Variants in WDR59 observed in about 807,000 individuals in gnomAD.
The protein encoded by WDR59 is WD repeat domain 59.
A neutral mutation model predicts 131.2 loss-of-function variants in WDR59; 100 were observed. That is an observed-to-expected ratio of 0.76 (90% CI 0.65 to 0.90). The LOEUF (loss-of-function observed/expected upper bound fraction) is 0.90, where lower values mean the gene tolerates loss of function less well. WDR59 is among the 40% of genes least tolerant of loss of function. The pLI is 0.00. For missense variants in WDR59, 1,203 were observed against 1,262.2 expected (o/e 0.95, Z 0.71); for synonymous variants, 601 against 466.2 (o/e 1.29, Z -3.72).
At chr16:74,874,565 A>G in intron 25 of WDR59, 121 bp from the exon 26 acceptor site, 2 of 755,032 alleles carry the variant, frequency 2.6e-6, no homozygotes, top group Non-Finnish European at 4.3e-6. Flanking sequence ...ATTCTCTTAG[A>G]CCAGTGGTTT....
At position 74,983,554 on chromosome 16, in the gene WDR59, G is replaced by T. The variant is rs115260361; in HGVS notation, c.54+1410C>A. Among the ~76,000 whole-genome samples, 1,316 of 152,214 alleles carry T rather than the reference G, an allele frequency of 8.6e-3. 21 individuals are homozygous for T. Among genetic ancestry groups the T allele is most frequent in the African/African-American group, 0.029 (1,193 of 41,530 alleles). On this transcript the variant is annotated intron_variant, in intron 1 of 25. Transcript: ENST00000262144. ...GTGCTGGGGAAGAGGGGATGTATAT[G>T]ACCGGTTCAGAGCTACCCACTATGA...
chr16:74,893,605 C>A lies in WDR59; in HGVS notation c.2000+74G>T, dbSNP rs560426848. On this transcript the variant is annotated intron_variant, in intron 19 of 25. Transcript: ENST00000262144. ...ACTGCTTTTGAAGAAAGGATTCCCA[C>A]ACTCAAAAAAAAAAAAAGTTTTGCT... The A allele has an allele frequency of 7.5e-6, 11 of 1,469,888 alleles. No homozygotes were observed. In the African/African-American group the frequency reaches 1.5e-4, roughly 20 times the overall value. The allele number at this position is 1,469,888 out of a possible 1,614,324, so 91.1% of individuals were successfully genotyped here.
At position 74,922,333 on chromosome 16, in the gene WDR59, C is replaced by T. The variant is rs139618108; in HGVS notation, c.730-230G>A. Among the ~76,000 whole-genome samples, 78 of 152,292 alleles carry T rather than the reference C, an allele frequency of 5.1e-4. 3 individuals carry two copies. In the East Asian group the frequency reaches 0.014, roughly 27 times the overall value. On this transcript the variant is annotated intron_variant, in intron 9 of 25. Coordinates refer to ENST00000262144, the MANE Select transcript of WDR59 (RefSeq NM_030581.4). ...GTGAAAACTCAGGCTGAGGCAAGCG[C>T]TTGAAGAACTTTGAAAATTCTAAAA...
chr16:74,923,812 CAGAGAA>C (rs2030499242), intron 9 of WDR59, 108 bp downstream of exon 9: 5 of 961,756 alleles, frequency 5.2e-6, no homozygotes, highest in Non-Finnish European at 7.8e-6. Flanking sequence ...ACTAAACCAA[CAGAGAA>C]AGAGAAAATC....
At chr16:74,970,623 TTA>T (rs990913593) in intron 1 of WDR59, among the ~76,000 whole-genome samples, 1 of 151,818 alleles carries the variant, frequency 6.6e-6, no homozygotes, top group African/African-American at 2.4e-5. Flanking sequence ...CTTGCTGTGT[TTA>T]GTTATTGCTA....
chr16:74,958,910 T>C (rs2033437333), intron 2 of WDR59, among the ~76,000 whole-genome samples: 1 of 151,496 alleles, frequency 6.6e-6, no homozygotes, highest in African/African-American at 2.4e-5. Flanking sequence ...AAAAAAAAAA[T>C]TAGCCAGGCA....
chr16:74,916,573 A>G (rs544550096), intron 11 of WDR59, among the ~76,000 whole-genome samples: 10 of 152,178 alleles, frequency 6.6e-5, no homozygotes, highest in Non-Finnish European at 1.3e-4. Flanking sequence ...AAAATATCAT[A>G]ACCGGCCAGG....
chr16:74,937,865 CCTT>C (rs1328212570), intron 8 of WDR59, among the ~76,000 whole-genome samples: 2 of 152,218 alleles, frequency 1.3e-5, no homozygotes, highest in Admixed American at 1.3e-4. Context: ...AAGACGAAAA[CCTT>C]CTGAACAAAT....
intron 10 of WDR59, among the ~76,000 whole-genome samples, chr16:74,919,760 G>A (rs561651075): frequency 2.0e-5 from 3 of 152,244 alleles, no homozygotes; most frequent in African/African-American, 7.2e-5. Context: ...GCTTCCCTCA[G>A]GAGGCATCCT....
intron 18 of WDR59, among the ~76,000 whole-genome samples, chr16:74,896,871 G>C (rs566117963): frequency 3.3e-5 from 5 of 152,242 alleles, no homozygotes. Context: ...CGACAGCTCT[G>C]TGATGAGGGA....
At position 74,923,901 on chromosome 16, in the gene WDR59, T is replaced by A. The variant is rs752898125; in HGVS notation, c.729+25A>T. 3 of 1,606,008 alleles carry A rather than the reference T, an allele frequency of 1.9e-6. No homozygotes were observed. The South Asian group carries it at 3.4e-5, about 18-fold the overall frequency. ...GGAACACCCAAAAAGAAGTTTCTTA[T>A]CAAGAGGCAGGGTGGCTCACTCACT... On this transcript the variant is annotated intron_variant, in intron 9 of 25. Coordinates refer to ENST00000262144, the MANE Select transcript of WDR59 (RefSeq NM_030581.4).
chr16:74,917,068 A>G (rs1404424254), intron 11 of WDR59, among the ~76,000 whole-genome samples: 1 of 152,154 alleles, frequency 6.6e-6, no homozygotes, highest in African/African-American at 2.4e-5. Flanking sequence ...GATCCAATAC[A>G]AGTGAGACAC....
intron 25 of WDR59, among the ~76,000 whole-genome samples, chr16:74,881,896 AG>A (rs1964506558): frequency 6.6e-6 from 1 of 151,152 alleles, no homozygotes; most frequent in African/African-American, 2.5e-5. Flanking sequence ...AAGAAAAAAA[AG>A]AAAAAAAAAA....
intron 1 of WDR59, among the ~76,000 whole-genome samples, chr16:74,984,284 A>ATAAAT (rs529698995): frequency 2.3e-3 from 344 of 152,304 alleles, no homozygotes; most frequent in African/African-American, 7.8e-3. Context: ...CTCAAAAAAA[A>ATAAAT]TAAATTAAAT....
At position 74,916,270 on chromosome 16, in the gene WDR59, G is replaced by C; in HGVS notation, c.967-11C>G. 3 of 1,613,638 alleles carry C rather than the reference G, an allele frequency of 1.9e-6. No homozygotes were observed. Among genetic ancestry groups the C allele is most frequent in the Non-Finnish European group, 2.5e-6 (3 of 1,179,892 alleles). On this transcript the variant is annotated splice_polypyrimidine_tract_variant and intron_variant, in intron 11 of 25. Coordinates refer to ENST00000262144, the MANE Select transcript of WDR59 (RefSeq NM_030581.4). ...GTCATTTGCACAAAGCTGCAACAAA[G>C]GGTAGAAGATGTAGTTCTAGAGAAG...
intron 7 of WDR59, among the ~76,000 whole-genome samples, chr16:74,942,193 C>T (rs2032285766): frequency 2.0e-5 from 3 of 152,088 alleles, no homozygotes; most frequent in South Asian, 2.1e-4. Context: ...GCAGTAAGAA[C>T]GTATGAGTGA....
chr16:74,897,841 T>C (rs995743767), intron 18 of WDR59, among the ~76,000 whole-genome samples: 1 of 152,232 alleles, frequency 6.6e-6, no homozygotes, highest in Non-Finnish European at 1.5e-5. Context: ...TAGTGGTTTT[T>C]AAACATAAAT....
chr16:74,914,743 G>A (rs765764402), intron 13 of WDR59, among the ~76,000 whole-genome samples: 4 of 152,116 alleles, frequency 2.6e-5, no homozygotes, highest in Admixed American at 6.6e-5. Flanking sequence ...ACAGGCGCAC[G>A]CCACCATGAC....
Position 74,985,019 on chromosome 16 carries a change from T to TC in WDR59, c.-3dup. ...TTCGCTGCTCCATCGCGCCGCCATC[T>TC]CCCCCGCCCGGCCGCCGCGGCCCCA... On this transcript the variant is annotated 5_prime_UTR_variant, in exon 1 of 26. Coordinates refer to ENST00000262144, the MANE Select transcript of WDR59 (RefSeq NM_030581.4). 1 of 1,574,034 alleles carries TC rather than the reference T, an allele frequency of 6.4e-7. No individual in the cohort carries two copies.
Sources: allele counts gnomAD v4.1 joint callset (sites outside exome capture counted in the v4.1 genomes callset), GRCh38; gene constraint gnomAD v4.1.1; transcripts MANE v1.5; gene names NCBI Gene and HGNC (gene_info 2026-07-23, HGNC 2026-07-21).